AGMO: variants seen among roughly 807,000 people sequenced by gnomAD.
AGMO encodes the protein alkylglycerol monooxygenase, also known as glyceryl-ether monooxygenase.
Under a neutral mutation model 60.2 loss-of-function variants are expected in AGMO, and 75 were observed. The ratio of observed to expected loss-of-function variants is 1.25; its 90% CI spans 1.03 to 1.51. The LOEUF is 1.51. AGMO is among the 40% of genes most tolerant of loss of function. AGMO has a pLI of 0.00. For missense variants in AGMO, 763 were observed against 525.5 expected, an observed-to-expected ratio of 1.45 and a Z score of -4.42; for synonymous variants, 261 against 177.1, an observed-to-expected ratio of 1.47 and a Z score of -3.76.
chr7:15,403,682 A>G (rs1295751132), intron 5 of AGMO, among the ~76,000 whole-genome samples: 1 of 152,002 alleles, frequency 6.6e-6, no homozygotes, highest in Non-Finnish European at 1.5e-5. Flanking sequence ...TTGATCTTTA[A>G]ACACTTATTG....
At chr7:15,341,253 T>C (rs1041478773) in intron 12 of AGMO, among the ~76,000 whole-genome samples, 1 of 152,150 alleles carries the variant, frequency 6.6e-6, no homozygotes, top group Middle Eastern at 3.2e-3. Context: ...ATTTTCCAAA[T>C]TTTTATGCTC....
intron 10 of AGMO, among the ~76,000 whole-genome samples, chr7:15,371,753 G>A (rs1046028797): frequency 6.6e-6 from 1 of 151,624 alleles, no homozygotes; most frequent in African/African-American, 2.4e-5. Flanking sequence ...ACATTGTCCA[G>A]GCTGGTCTCA....
chr7:15,371,742 C>G (rs1049215410), intron 10 of AGMO, among the ~76,000 whole-genome samples: 1 of 151,712 alleles, frequency 6.6e-6, no homozygotes, highest in African/African-American at 2.4e-5. Context: ...GGGTTTTCAC[C>G]ACATTGTCCA....
At chr7:15,301,595 A>T (rs1225167200) in intron 12 of AGMO, among the ~76,000 whole-genome samples, 1 of 152,172 alleles carries the variant, frequency 6.6e-6, no homozygotes, top group Non-Finnish European at 1.5e-5. Context: ...ATCTATACAG[A>T]TGAATATGTA....
At chr7:15,384,436 T>A (rs2128482580) in intron 10 of AGMO, among the ~76,000 whole-genome samples, 1 of 152,332 alleles carries the variant, frequency 6.6e-6, no homozygotes, top group East Asian at 1.9e-4. Context: ...TAGGTGTCTT[T>A]CAATTTTTGC....
chr7:15,142,956 C>G, the AGMO span, among the ~76,000 whole-genome samples: 1 of 152,266 alleles, frequency 6.6e-6, no homozygotes, highest in Admixed American at 6.5e-5. Flanking sequence ...AAATGAGATA[C>G]TGAAGCAAAG....
At chr7:15,254,061 A>G (rs1403848000) in intron 12 of AGMO, among the ~76,000 whole-genome samples, 2 of 152,092 alleles carry the variant, frequency 1.3e-5, no homozygotes, top group Non-Finnish European at 2.9e-5. Context: ...TCATTTTTAT[A>G]ACTGTATAGT....
At chr7:15,418,535 A>G in intron 5 of AGMO, 23 bp downstream of exon 5, 2 of 1,447,102 alleles carry the variant, frequency 1.4e-6, no homozygotes, top group Non-Finnish European at 1.9e-6. Flanking sequence ...TATAAAACTT[A>G]CAAAGATAAA....
At chr7:15,341,511 A>T (rs988655903) in intron 12 of AGMO, among the ~76,000 whole-genome samples, 1 of 152,122 alleles carries the variant, frequency 6.6e-6, no homozygotes, top group Admixed American at 6.5e-5. Flanking sequence ...GACATTCAAC[A>T]AGTCTCTAGG....
chr7:15,390,701 G>T lies in AGMO; in HGVS notation c.792C>A (p.Pro264=). The T allele has an allele frequency of 6.2e-7, 1 of 1,609,680 alleles. No homozygotes were observed. Among genetic ancestry groups the T allele is most frequent in the Non-Finnish European group, 8.5e-7 (1 of 1,177,170 alleles). The change falls in exon 8 of 13, where the codon CCC becomes CCA. Residue 264 remains proline, a synonymous_variant. Transcript: ENST00000342526. ...CTTTGATTGGTTCAAATGTATTAAT[G>T]GGATGTGTTAAGCCATATACAACTT... ...NEKVVYGLTH[P]INTFEPIKVQ...
At chr7:15,273,885 T>C (rs573870842) in intron 12 of AGMO, among the ~76,000 whole-genome samples, 25 of 152,296 alleles carry the variant, frequency 1.6e-4, no homozygotes, top group Admixed American at 7.2e-4. Context: ...TTTGAAGCAA[T>C]TGTGAATGGG....
chr7:15,285,993 A>T (rs989299284), intron 12 of AGMO, among the ~76,000 whole-genome samples: 3 of 152,102 alleles, frequency 2.0e-5, no homozygotes, highest in African/African-American at 7.2e-5. Context: ...CTTATTTAAT[A>T]AATGTTGCTG....
At chr7:15,440,944 C>G (rs556421494) in intron 3 of AGMO, among the ~76,000 whole-genome samples, 3 of 152,204 alleles carry the variant, frequency 2.0e-5, no homozygotes, top group African/African-American at 7.2e-5. Context: ...TTGTGTGCTG[C>G]TAATGGCCAA....
chr7:15,309,798 C>T (rs1014188547), intron 12 of AGMO, among the ~76,000 whole-genome samples: 5 of 152,012 alleles, frequency 3.3e-5, no homozygotes, highest in African/African-American at 1.2e-4. Context: ...CCTAATGTCC[C>T]TCAATCAAAG....
At chr7:15,270,038 A>AT (rs753773404) in intron 12 of AGMO, among the ~76,000 whole-genome samples, 6 of 152,030 alleles carry the variant, frequency 3.9e-5, no homozygotes. Flanking sequence ...TAATTCTATG[A>AT]TTTTATTAGT....
chr7:15,512,769 C>A (rs1030382468), intron 3 of AGMO, among the ~76,000 whole-genome samples: 2 of 152,128 alleles, frequency 1.3e-5, no homozygotes, highest in African/African-American at 4.8e-5. Flanking sequence ...GTAATGTTAG[C>A]ATTGGCTCCA....
intron 12 of AGMO, among the ~76,000 whole-genome samples, chr7:15,215,536 G>C (rs970417778): frequency 6.6e-6 from 1 of 151,894 alleles, no homozygotes; most frequent in African/African-American, 2.4e-5. Context: ...GAACAGATGT[G>C]TTTTATAGAG....
intron 5 of AGMO, among the ~76,000 whole-genome samples, chr7:15,413,037 A>C (rs2128492829): frequency 6.6e-6 from 1 of 152,328 alleles, no homozygotes; most frequent in South Asian, 2.1e-4. Context: ...CTGAATATGA[A>C]CCAGATATTG....
intron 2 of AGMO, among the ~76,000 whole-genome samples, chr7:15,554,322 C>T (rs1205434941): frequency 1.3e-5 from 2 of 151,968 alleles, no homozygotes; most frequent in Admixed American, 1.3e-4. Context: ...ATATAGTAAG[C>T]TTACTTTATC....
Sources: gnomAD v4.1 joint callset for allele counts (sites outside exome capture counted in the v4.1 genomes callset) on GRCh38, gnomAD v4.1.1 for gene constraint, MANE v1.5 for transcripts, NCBI Gene and HGNC (gene_info 2026-07-23, HGNC 2026-07-21) for gene names.